PDXDC1: variants seen among roughly 807,000 people sequenced by gnomAD.
The protein encoded by PDXDC1 is pyridoxal-dependent decarboxylase domain-containing protein 1.
A neutral mutation model predicts 100.1 loss-of-function variants in PDXDC1; 42 were observed. That is an observed-to-expected ratio of 0.42 (90% CI 0.33 to 0.54). PDXDC1 has a LOEUF of 0.54. PDXDC1 is among the 20% of genes least tolerant of loss of function. PDXDC1 has a pLI of 0.10. For missense variants in PDXDC1, 636 were observed against 979.2 expected, an observed-to-expected ratio of 0.65 and a Z score of 4.68; for synonymous variants, 260 against 371.7, an observed-to-expected ratio of 0.70 and a Z score of 3.46.
chr16:14,996,241 A>T, intron 1 of PDXDC1: 1 of 296,716 alleles, frequency 3.4e-6, no homozygotes, highest in South Asian at 3.2e-5. Context: ...ATGGAGTGGA[A>T]TTTCTTAAAA....
At chr16:14,995,999 A>C (rs1382418057) in intron 1 of PDXDC1, among the ~76,000 whole-genome samples, 1 of 152,288 alleles carries the variant, frequency 6.6e-6, no homozygotes. Flanking sequence ...CCCCTTTATC[A>C]TTCAATGAAA....
chr16:14,993,362 A>G (rs1482058551), intron 1 of PDXDC1, among the ~76,000 whole-genome samples: 1 of 140,374 alleles, frequency 7.1e-6, no homozygotes, highest in Non-Finnish European at 1.5e-5. Flanking sequence ...CTCATTGTTC[A>G]TTTCCCACCT....
intron 16 of PDXDC1, chr16:15,094,451 T>C: frequency 1.7e-6 from 1 of 587,170 alleles, no homozygotes; most frequent in South Asian, 2.1e-5. Flanking sequence ...TGCGTGAGTA[T>C]AAGGAGAGAC....
intron 16 of PDXDC1, among the ~76,000 whole-genome samples, chr16:15,080,479 G>C (rs1224110158): frequency 2.6e-5 from 4 of 152,076 alleles, no homozygotes; most frequent in Non-Finnish European, 4.4e-5. Context: ...CTCTCTCTCA[G>C]GATGGCGTAC....
chr16:15,135,895 C>G lies in PDXDC1; in HGVS notation c.1400-2984C>G, dbSNP rs1417613868. 4.4e-6 allele frequency: 7 copies of G among 1,577,218 alleles called. No homozygotes were observed. In the Admixed American group the frequency reaches 1.0e-4, roughly 23 times the overall value. On this transcript the variant is annotated intron_variant, in intron 16 of 16. Coordinates refer to the PDXDC1 transcript ENST00000535621. Reference sequence around the variant, plus strand: ...ACACAAAGCAGTAGTGCCCCACAGGCAGCGCCAGCCGCGGCAGCACCAGCT... The same window carrying G: ...ACACAAAGCAGTAGTGCCCCACAGGGAGCGCCAGCCGCGGCAGCACCAGCT...
At chr16:15,065,268 T>G in intron 16 of PDXDC1, 1 of 1,613,898 alleles carries the variant, frequency 6.2e-7, no homozygotes, top group Non-Finnish European at 8.5e-7. Context: ...AGCGGGTTTG[T>G]GCAGATCTGC....
chr16:15,101,304 A>T (rs1293839747), intron 16 of PDXDC1, among the ~76,000 whole-genome samples: 1 of 152,164 alleles, frequency 6.6e-6, no homozygotes, highest in South Asian at 2.1e-4. Context: ...ACAGATAGGC[A>T]CGGTCTTTTT....
intron 16 of PDXDC1, chr16:15,137,618 T>C: frequency 7.4e-7 from 1 of 1,348,744 alleles, no homozygotes. Context: ...CCCGCCGCAC[T>C]CACAGGCTCC....
chr16:15,044,238 T>G (rs1820634978), intron 16 of PDXDC1: 1 of 796,356 alleles, frequency 1.3e-6, no homozygotes, highest in Non-Finnish European at 2.1e-6. Flanking sequence ...GGGTGTGCCC[T>G]TCTTGGGTTT....
At chr16:15,033,476 C>T in intron 19 of PDXDC1, 77 bp downstream of exon 19, 1 of 1,504,314 alleles carries the variant, frequency 6.6e-7, no homozygotes. Flanking sequence ...AGGAAAGCAG[C>T]TGCCCTTGGG....
chr16:14,976,448 G>A (rs1315701607), intron 1 of PDXDC1, among the ~76,000 whole-genome samples: 1 of 152,292 alleles, frequency 6.6e-6, no homozygotes, highest in Non-Finnish European at 1.5e-5. Flanking sequence ...CTACTCCTGG[G>A]TTGCTTAGCA....
chr16:15,127,874 G>A lies in PDXDC1; in HGVS notation c.1400-11005G>A, dbSNP rs559841071. The A allele has an allele frequency of 4.0e-5, 63 of 1,560,160 alleles. No individual in the cohort carries two copies. The African/African-American group carries it at 5.6e-4, about 14-fold the overall frequency. ...TGCAGCTCAGCCACCAGCAGGCGCC[G>A]GAAGCGCAACAGGGCTGCGTGACCT... On this transcript the variant is annotated intron_variant, in intron 16 of 16. Transcript: ENST00000535621.
intron 16 of PDXDC1, among the ~76,000 whole-genome samples, chr16:15,087,404 G>C (rs1351378736): frequency 1.3e-5 from 2 of 152,128 alleles, no homozygotes; most frequent in African/African-American, 4.8e-5. Context: ...CCAACCAAGA[G>C]GCCAGTAAAG....
At chr16:15,091,553 G>T (rs1366809476) in intron 16 of PDXDC1, among the ~76,000 whole-genome samples, 2 of 151,534 alleles carry the variant, frequency 1.3e-5, no homozygotes, top group African/African-American at 2.4e-5. Flanking sequence ...AGTGCAGCCA[G>T]AGGGCTTGGA....
chr16:15,054,881 GATGAAACCT>G (rs1567776441), intron 16 of PDXDC1, among the ~76,000 whole-genome samples: 1 of 152,222 alleles, frequency 6.6e-6, no homozygotes, highest in Non-Finnish European at 1.5e-5. Flanking sequence ...AGCTGTGACA[GATGAAACCT>G]CTAAATGCCT....
intron 16 of PDXDC1, chr16:15,086,012 C>G: frequency 1.4e-6 from 1 of 704,902 alleles, no homozygotes; most frequent in Non-Finnish European, 2.4e-6. Context: ...TCTACCAGAC[C>G]TGGTGCCAAT....
intron 15 of PDXDC1, 39 bp from the exon 16 acceptor site, chr16:15,029,912 C>T (rs767510230): frequency 5.2e-6 from 8 of 1,531,106 alleles, no homozygotes; most frequent in South Asian, 2.4e-5. Flanking sequence ...CGTCTGAGTC[C>T]CTTGTTACAG....
chr16:15,125,755 TC>T (rs745307348), intron 16 of PDXDC1: 1 of 1,509,534 alleles, frequency 6.6e-7, no homozygotes, highest in Non-Finnish European at 9.1e-7. Flanking sequence ...CAGGCAGCTG[TC>T]GATGTCCAGC....
At chr16:15,061,153 CA>C in intron 16 of PDXDC1, 1 of 152,376 alleles carries the variant, frequency 6.6e-6, no homozygotes, top group African/African-American at 2.4e-5. Flanking sequence ...GTGCCAGCTC[CA>C]ACTCTGTGTC....
Sources: allele counts gnomAD v4.1 joint callset (sites outside exome capture counted in the v4.1 genomes callset), GRCh38; gene constraint gnomAD v4.1.1; transcripts MANE v1.5; gene names NCBI Gene and HGNC (gene_info 2026-07-23, HGNC 2026-07-21).